The following AKAP12 variants were observed in gnomAD, a reference collection of about 807,000 sequenced individuals.
AKAP12 encodes the protein A-kinase anchor protein 12.
A neutral mutation model predicts 79.9 loss-of-function variants in AKAP12; 32 were observed. That is an observed-to-expected ratio of 0.40 (90% confidence interval 0.30 to 0.54). AKAP12 has a LOEUF of 0.54. AKAP12 is among the 20% of genes least tolerant of loss of function. AKAP12 has a pLI of 0.48. For synonymous variants in AKAP12, 808 were observed against 857.0 expected, an observed-to-expected ratio of 0.94 and a Z score of 1.00; for missense variants, 2,074 against 2,177.0, an observed-to-expected ratio of 0.95 and a Z score of 0.94.
chr6:151,322,469 C>A (rs1388581395), intron 3 of AKAP12, among the ~76,000 whole-genome samples: 1 of 152,194 alleles, frequency 6.6e-6, no homozygotes, highest in African/African-American at 2.4e-5. Flanking sequence ...GCCAAGCCCC[C>A]AACTCCCGGA....
At chr6:151,326,815 TTTG>T (rs1228966150) in intron 3 of AKAP12, among the ~76,000 whole-genome samples, 3 of 105,524 alleles carry the variant, frequency 2.8e-5, no homozygotes, top group Non-Finnish European at 5.1e-5. Context: ...TTTTTGTTTG[TTTG>T]TTTTTTGTTT....
intron 2 of AKAP12, among the ~76,000 whole-genome samples, chr6:151,294,034 C>T (rs1582861767): frequency 6.6e-6 from 1 of 151,332 alleles, no homozygotes; most frequent in South Asian, 2.1e-4. Context: ...AGCACAGGGG[C>T]GCAATCTCGA....
At chr6:151,347,557 A>C (rs1463264444) in intron 3 of AKAP12, among the ~76,000 whole-genome samples, 1 of 152,200 alleles carries the variant, frequency 6.6e-6, no homozygotes, top group African/African-American at 2.4e-5. Flanking sequence ...TTGATAGTTA[A>C]GTTTGTCAAC....
At chr6:151,305,975 C>T in intron 3 of AKAP12, 72 bp downstream of exon 3, 1 of 1,455,708 alleles carries the variant, frequency 6.9e-7, no homozygotes, top group South Asian at 1.3e-5. Flanking sequence ...AGAAAATACT[C>T]TGTCATACTG....
At chr6:151,249,269 G>T (rs1396428940) in intron 2 of AKAP12, among the ~76,000 whole-genome samples, 2 of 152,204 alleles carry the variant, frequency 1.3e-5, no homozygotes, top group African/African-American at 4.8e-5. Context: ...AGTTGTTGAA[G>T]AATAGAGTTC....
Position 151,296,634 on chromosome 6 carries a change from G to T in AKAP12, c.163-9113G>T, listed in dbSNP as rs144034446. On this transcript the variant is annotated intron_variant, in intron 2 of 4. Coordinates refer to ENST00000402676, the MANE Select transcript of AKAP12 (RefSeq NM_005100.4). Reference sequence around the variant, plus strand: ...TTTACTAAAAATACAAAAATTAGCCGAGTGTGGTGGCACATGCCTGTAATC... The same window carrying T: ...TTTACTAAAAATACAAAAATTAGCCTAGTGTGGTGGCACATGCCTGTAATC... Among the ~76,000 whole-genome samples, 483 of 152,212 alleles carry T rather than the reference G, an allele frequency of 3.2e-3. 1 individual carries two copies. Among genetic ancestry groups the T allele is most frequent in the African/African-American group, 0.011 (459 of 41,524 alleles).
At chr6:151,331,668 G>A (rs996039727) in intron 3 of AKAP12, among the ~76,000 whole-genome samples, 1 of 152,026 alleles carries the variant, frequency 6.6e-6, no homozygotes, top group African/African-American at 2.4e-5. Context: ...GGTAGATCAC[G>A]AGGTAAGGAG....
In AKAP12 at chr6:151,349,093, A is replaced by G. The variant is rs769517517; in HGVS notation, c.702A>G (p.Gln234=). 1.2e-6 allele frequency: 2 copies of G among 1,612,316 alleles called. No individual in the cohort carries two copies. Among genetic ancestry groups the G allele is most frequent in the East Asian group, 2.2e-5 (1 of 44,858 alleles). ...EAASKESEPK[Q]STEKPEETLK... is the part of the protein sequence containing the mutation. ...CATCCAAAGAAAGCGAACCCAAACA[A>G]TCTACAGAGAAACCCGAAGAGACCC... The change falls in exon 4 of 5, where the codon CAA becomes CAG. Residue 234 remains glutamine, a synonymous_variant. Transcript: ENST00000402676.
intron 2 of AKAP12, among the ~76,000 whole-genome samples, chr6:151,304,815 G>A (rs1183944154): frequency 6.6e-6 from 1 of 151,882 alleles, no homozygotes; most frequent in African/African-American, 2.4e-5. Context: ...CTCGTGATCT[G>A]CCCGCCTCGG....
chr6:151,320,138 C>G (rs1374401675), intron 3 of AKAP12, among the ~76,000 whole-genome samples: 3 of 152,120 alleles, frequency 2.0e-5, no homozygotes, highest in Non-Finnish European at 4.4e-5. Flanking sequence ...GGTTTTAATT[C>G]TGAGTGTAGT....
intron 2 of AKAP12, among the ~76,000 whole-genome samples, chr6:151,301,595 C>T (rs1210459056): frequency 1.3e-5 from 2 of 152,270 alleles, no homozygotes; most frequent in South Asian, 2.1e-4. Flanking sequence ...TCTTTAACAA[C>T]ACGTGGGATT....
intron 2 of AKAP12, among the ~76,000 whole-genome samples, chr6:151,255,447 C>T (rs1026549156): frequency 2.6e-5 from 4 of 152,160 alleles, no homozygotes; most frequent in African/African-American, 9.6e-5. Context: ...AGGCGTGAGC[C>T]ACCGCGCCTG....
At chr6:151,251,142 A>C (rs944433518) in intron 2 of AKAP12, among the ~76,000 whole-genome samples, 27 of 152,202 alleles carry the variant, frequency 1.8e-4, no homozygotes, top group African/African-American at 6.5e-4. Flanking sequence ...AGAGGCCATT[A>C]GTCAGGAGGC....
At chr6:151,334,242 C>T (rs1187261944) in intron 3 of AKAP12, among the ~76,000 whole-genome samples, 1 of 152,162 alleles carries the variant, frequency 6.6e-6, no homozygotes, top group Non-Finnish European at 1.5e-5. Flanking sequence ...AATGTTGATG[C>T]AGGAAGTCAG....
intron 2 of AKAP12, among the ~76,000 whole-genome samples, chr6:151,244,396 C>G (rs550663569): frequency 6.6e-6 from 1 of 152,072 alleles, no homozygotes; most frequent in Admixed American, 6.6e-5. Flanking sequence ...TGGTGGCGGG[C>G]GCCTGTAGTC....
chr6:151,249,899 G>A (rs1484377570), intron 2 of AKAP12, among the ~76,000 whole-genome samples: 1 of 152,102 alleles, frequency 6.6e-6, no homozygotes, highest in Non-Finnish European at 1.5e-5. Context: ...CTCTTTCATG[G>A]CTATGGTGAG....
chr6:151,251,033 C>G (rs1394207430), intron 2 of AKAP12, among the ~76,000 whole-genome samples: 1 of 152,124 alleles, frequency 6.6e-6, no homozygotes, highest in East Asian at 1.9e-4. Context: ...ATGAAATATT[C>G]AACAGCAAAG....
intron 3 of AKAP12, among the ~76,000 whole-genome samples, chr6:151,326,220 C>G (rs548535525): frequency 3.0e-4 from 45 of 152,282 alleles, no homozygotes; most frequent in African/African-American, 9.9e-4. Context: ...CAGCAGCCGA[C>G]TGAATAGAAA....
At chr6:151,330,280 C>T (rs1374665897) in intron 3 of AKAP12, among the ~76,000 whole-genome samples, 1 of 152,140 alleles carries the variant, frequency 6.6e-6, no homozygotes, top group Non-Finnish European at 1.5e-5. Context: ...AGAGCAAGAC[C>T]CTGTCCCTAC....
Sources: allele counts gnomAD v4.1 joint callset (sites outside exome capture counted in the v4.1 genomes callset), GRCh38; gene constraint gnomAD v4.1.1; transcripts MANE v1.5; gene names NCBI Gene and HGNC (gene_info 2026-07-23, HGNC 2026-07-21).